RAD17: variants seen among roughly 807,000 people sequenced by gnomAD.
The protein encoded by RAD17 is cell cycle checkpoint protein RAD17.
RAD17 carries 31 observed loss-of-function variants against 81.5 expected under a neutral mutation model. The observed-to-expected ratio is 0.38, with a 90% confidence interval of 0.29 to 0.51. The LOEUF is 0.51. Ranked by LOEUF, RAD17 falls within the 20% of genes least tolerant of loss-of-function variation. The pLI is 0.88. For missense variants in RAD17, 681 were observed against 781.2 expected, an observed-to-expected ratio of 0.87 and a Z score of 1.53; for synonymous variants, 261 against 266.2, an observed-to-expected ratio of 0.98 and a Z score of 0.19.
intron 16 of RAD17, among the ~76,000 whole-genome samples, chr5:69,399,519 A>G (rs144343004): frequency 6.6e-6 from 1 of 152,294 alleles, no homozygotes; most frequent in Non-Finnish European, 1.5e-5. Flanking sequence ...ATTTTTTCCA[A>G]CAGATTTCTT....
At chr5:69,412,357 G>A (rs1766065587) in intron 18 of RAD17, among the ~76,000 whole-genome samples, 1 of 152,052 alleles carries the variant, frequency 6.6e-6, no homozygotes, top group East Asian at 1.9e-4. Context: ...TTAGTATTTA[G>A]TATTAAATAT....
At chr5:69,390,460 C>T (rs1764483557) in intron 12 of RAD17, among the ~76,000 whole-genome samples, 1 of 151,702 alleles carries the variant, frequency 6.6e-6, no homozygotes. Flanking sequence ...AAGACCTTGT[C>T]TCTACAAAAA....
chr5:69,381,715 A>G (rs555572988), intron 6 of RAD17, among the ~76,000 whole-genome samples, 186 bp from the exon 7 acceptor site: 5 of 152,156 alleles, frequency 3.3e-5, no homozygotes, highest in Non-Finnish European at 5.9e-5. Flanking sequence ...GAAAAAGGCA[A>G]TTTTTAAAAA....
intron 17 of RAD17, among the ~76,000 whole-genome samples, chr5:69,406,999 A>AT (rs66894670): frequency 0.012 from 955 of 82,634 alleles, 21 homozygotes; most frequent in African/African-American, 0.031. Flanking sequence ...TTTGTAGTAG[A>AT]TTTTTTTTTT....
intron 17 of RAD17, among the ~76,000 whole-genome samples, chr5:69,407,562 GTTTTTTTTTTTTT>G (rs550222595): frequency 2.4e-4 from 10 of 40,890 alleles, no homozygotes; most frequent in South Asian, 1.4e-3. Context: ...CTATGTCCAA[GTTTTTTTTTTTTT>G]TTTTTTTTTT....
intron 1 of RAD17, among the ~76,000 whole-genome samples, chr5:69,370,511 T>A (rs1459692468): frequency 1.3e-5 from 2 of 152,108 alleles, no homozygotes; most frequent in Non-Finnish European, 2.9e-5. Context: ...GGCTAATTTT[T>A]GCATTTTTAA....
chr5:69,394,419 G>C (rs1764749952), intron 15 of RAD17, among the ~76,000 whole-genome samples: 1 of 152,016 alleles, frequency 6.6e-6, no homozygotes, highest in Non-Finnish European at 1.5e-5. Context: ...CAACCATTAA[G>C]AAGTAGATAC....
At chr5:69,413,636 A>G (rs1375241073) in intron 18 of RAD17, among the ~76,000 whole-genome samples, 1 of 151,982 alleles carries the variant, frequency 6.6e-6, no homozygotes, top group Non-Finnish European at 1.5e-5. Flanking sequence ...CTGGGTTCAA[A>G]CAATTCTCCT....
At chr5:69,369,517 C>G (rs200813638), upstream of RAD17, 2,235 of 1,611,326 alleles carry the variant, frequency 1.4e-3, 7 homozygotes, top group Non-Finnish European at 1.6e-3. Context: ...GCTTCGGGCG[C>G]CTCGCTCACG....
At chr5:69,374,444 TAAG>T (rs903294188) in intron 5 of RAD17, among the ~76,000 whole-genome samples, 181 bp from the exon 6 acceptor site, 1 of 152,170 alleles carries the variant, frequency 6.6e-6, no homozygotes, top group Non-Finnish European at 1.5e-5. Flanking sequence ...GGTATCAACT[TAAG>T]AATATAATTT....
Position 69,401,976 on chromosome 5 carries a change from C to G in RAD17, c.1693+1807C>G, listed in dbSNP as rs1765297881. Among the ~76,000 whole-genome samples the G allele has an allele frequency of 2.4e-5, 3 of 126,842 alleles. No individual in the cohort carries two copies. The Admixed American group carries it at 3.0e-4, about 13-fold the overall frequency. The allele number at this position is 126,842 out of a possible 152,430, so 83.2% of individuals were successfully genotyped here. On this transcript the variant is annotated intron_variant, in intron 17 of 18. Transcript: ENST00000354868. ...CCGAGATTGCACCACTGCCCTCCAG[C>G]CTGGGCAACAGAGCAAGACTCTGTC...
chr5:69,370,630 C>G (rs1762897776), intron 1 of RAD17: 1 of 152,576 alleles, frequency 6.6e-6, no homozygotes, highest in African/African-American at 2.4e-5. Context: ...GCATGAGCCA[C>G]CGCGTCCGGC....
chr5:69,403,934 C>T (rs1289345731), intron 17 of RAD17, among the ~76,000 whole-genome samples: 1 of 129,144 alleles, frequency 7.7e-6, no homozygotes, highest in African/African-American at 2.5e-5. Context: ...AGACCCTCTC[C>T]AAAAAAATAA....
At chr5:69,379,302 A>T (rs367592469) in intron 6 of RAD17, among the ~76,000 whole-genome samples, 2 of 152,194 alleles carry the variant, frequency 1.3e-5, no homozygotes, top group East Asian at 3.9e-4. Context: ...GTATACATTT[A>T]TATAGGGAAC....
At chr5:69,382,909 G>A (rs1487391816) in intron 7 of RAD17, among the ~76,000 whole-genome samples, 2 of 152,028 alleles carry the variant, frequency 1.3e-5, no homozygotes, top group African/African-American at 4.8e-5. Context: ...TCAGCCTCCT[G>A]AGTAGCTGGG....
intron 6 of RAD17, among the ~76,000 whole-genome samples, chr5:69,377,461 A>ACG (rs1561238786): frequency 0.041 from 238 of 5,846 alleles, 63 homozygotes; most frequent in Admixed American, 0.091. Flanking sequence ...ATATATATAT[A>ACG]TATATATATA....
intron 18 of RAD17, among the ~76,000 whole-genome samples, chr5:69,411,618 G>T (rs1057338970): frequency 6.6e-6 from 1 of 152,042 alleles, no homozygotes; most frequent in Non-Finnish European, 1.5e-5. Flanking sequence ...TACTGGCTTA[G>T]CTATGTGGGG....
intron 17 of RAD17, among the ~76,000 whole-genome samples, chr5:69,407,592 T>TTTC: frequency 8.2e-6 from 1 of 122,468 alleles, no homozygotes; most frequent in East Asian, 2.4e-4. Context: ...TTTTTTTTTT[T>TTTC]TGGAGACAGA....
At chr5:69,381,471 A>G (rs1031897711) in intron 6 of RAD17, among the ~76,000 whole-genome samples, 7 of 150,820 alleles carry the variant, frequency 4.6e-5, no homozygotes, top group Admixed American at 6.6e-5. Context: ...AAAGAGCAAG[A>G]CTCGTCTCAA....
Sources: allele counts gnomAD v4.1 joint callset (sites outside exome capture counted in the v4.1 genomes callset), GRCh38; gene constraint gnomAD v4.1.1; transcripts MANE v1.5; gene names NCBI Gene and HGNC (gene_info 2026-07-23, HGNC 2026-07-21).